SIK2: variants seen among roughly 807,000 people sequenced by gnomAD.
SIK2 encodes the protein salt inducible kinase 2.
SIK2 carries 29 observed loss-of-function variants against 103.2 expected under a neutral mutation model. That is an observed-to-expected ratio of 0.28 (90% confidence interval 0.21 to 0.38). SIK2 has a LOEUF of 0.38. Among genes scored for constraint, SIK2 ranks in the 10% least tolerant of loss-of-function variants. The pLI is 1.00. For synonymous variants in SIK2, 412 were observed against 446.1 expected, an observed-to-expected ratio of 0.92 and a Z score of 0.96; for missense variants, 879 against 1,171.0, an observed-to-expected ratio of 0.75 and a Z score of 3.64.
intron 3 of SIK2, among the ~76,000 whole-genome samples, chr11:111,668,151 T>C (rs7128353): frequency 0.63 from 95,401 of 151,280 alleles, 32,613 homozygotes; most frequent in East Asian, 0.96. Flanking sequence ...TAGGAAGCTC[T>C]TCTCAGTATG....
At position 111,722,767 on chromosome 11, in the gene SIK2, G is replaced by A. The variant is rs1943841560; in HGVS notation, c.2147+11G>A. The A allele has an allele frequency of 1.9e-6, 3 of 1,611,296 alleles. No individual in the cohort carries two copies. Among genetic ancestry groups the A allele is most frequent in the South Asian group, 1.1e-5 (1 of 90,456 alleles). On this transcript the variant is annotated intron_variant, in intron 14 of 14. Coordinates refer to ENST00000304987, the MANE Select transcript of SIK2 (RefSeq NM_015191.3). This position sits in a 1 kb window ranked among gnomAD's most constrained non-coding sequence, Gnocchi z 4.4. ...GCTGCAGGAACATAGGTGAGAAGGG[G>A]ACTTTGGCCAAAGAAGTTGCTTCCT...
intron 3 of SIK2, among the ~76,000 whole-genome samples, chr11:111,654,229 G>A (rs1942363310): frequency 6.6e-6 from 1 of 152,106 alleles, no homozygotes; most frequent in African/African-American, 2.4e-5. Context: ...CCAATGATTG[G>A]GTGAATCCTT....
chr11:111,622,236 G>T (rs1412494696), intron 3 of SIK2, among the ~76,000 whole-genome samples: 1 of 141,416 alleles, frequency 7.1e-6, no homozygotes, highest in African/African-American at 2.6e-5. Flanking sequence ...TTGTCTGAAG[G>T]ATTTTCTTTT....
chr11:111,687,954 G>C (rs572210812), intron 3 of SIK2, 47 bp from the exon 4 acceptor site: 4 of 1,597,410 alleles, frequency 2.5e-6, no homozygotes, highest in East Asian at 4.5e-5. Flanking sequence ...TAATAGTGGA[G>C]TTATTTTATT....
intron 12 of SIK2, among the ~76,000 whole-genome samples, chr11:111,721,388 A>C (rs1054704246): frequency 6.6e-6 from 1 of 152,192 alleles, no homozygotes; most frequent in Non-Finnish European, 1.5e-5. Flanking sequence ...CAAATGAAAA[A>C]TACACAAATG....
rs117370374 is a variant in SIK2 at position 111,729,965 on chromosome 11, G to C, written c.*5836G>C. 1,183 of 152,418 alleles carry C rather than the reference G, an allele frequency of 7.8e-3. 9 individuals are homozygous for C. The highest frequency in any genetic ancestry group is 0.054 in the Middle Eastern group (16 of 296). The allele number at this position is 152,418 out of a possible 1,614,324, so 9.4% of individuals were successfully genotyped here. Reference sequence around the variant, plus strand: ...CACCCCCTTCCTCAATTGCCAAGGGGCCGCATCGCACGGCATCAGGCCACC... The same window carrying C: ...CACCCCCTTCCTCAATTGCCAAGGGCCCGCATCGCACGGCATCAGGCCACC... On this transcript the variant is annotated 3_prime_UTR_variant, in exon 15 of 15. Coordinates refer to ENST00000304987, the MANE Select transcript of SIK2 (RefSeq NM_015191.3).
At chr11:111,671,428 C>A in intron 3 of SIK2, 1 of 241,104 alleles carries the variant, frequency 4.1e-6, no homozygotes, top group South Asian at 5.2e-5. Context: ...AGCCCTCGGT[C>A]TCTGAGGCCC....
intron 4 of SIK2, among the ~76,000 whole-genome samples, chr11:111,697,048 A>G (rs1375970778): frequency 3.3e-5 from 5 of 152,182 alleles, no homozygotes; most frequent in East Asian, 1.9e-4. Flanking sequence ...AACTTCTTCA[A>G]AAATAACTAT....
rs1943978893 is a variant in SIK2, at chr11:111,726,717, C to T, written c.*2588C>T. The T allele has an allele frequency of 1.4e-5, 7 of 510,318 alleles. No individual in the cohort carries two copies. Among genetic ancestry groups the T allele is most frequent in the East Asian group, 6.5e-5 (2 of 30,784 alleles). 31.6% of individuals were successfully genotyped at this position (510,318 alleles called of 1,614,324 possible). ...TTTTCTCTTCATCACTACTAACAAA[C>T]AAAACACTAAGAAGGCTTAGTATCG... On this transcript the variant is annotated 3_prime_UTR_variant, in exon 15 of 15. Coordinates refer to ENST00000304987, the MANE Select transcript of SIK2 (RefSeq NM_015191.3).
chr11:111,709,363 G>A (rs935267729), intron 8 of SIK2, among the ~76,000 whole-genome samples: 1 of 152,198 alleles, frequency 6.6e-6, no homozygotes, highest in Admixed American at 6.5e-5. Flanking sequence ...CATTAGTGGT[G>A]AGGGGCTCAA....
chr11:111,704,647 C>T lies in SIK2; in HGVS notation c.949-340C>T, dbSNP rs186251660. Among the ~76,000 whole-genome samples, 31 of 152,236 alleles carry T rather than the reference C, an allele frequency of 2.0e-4. No homozygotes were observed. The East Asian group carries it at 2.7e-3, about 13-fold the overall frequency. ...AGGTTGCTAACTGACCTTACACCAC[C>T]GTTACAGCTATGAGATGGGGCCATA... On this transcript the variant is annotated intron_variant, in intron 7 of 14. Transcript: ENST00000304987.
At chr11:111,652,557 C>A (rs1025305404) in intron 3 of SIK2, among the ~76,000 whole-genome samples, 1 of 152,124 alleles carries the variant, frequency 6.6e-6, no homozygotes, top group African/African-American at 2.4e-5. Context: ...AATAATGTAA[C>A]TGGGCATCTA....
chr11:111,727,546 T>G lies in SIK2; in HGVS notation c.*3417T>G. 6.1e-6 allele frequency: 1 copy of G among 164,180 alleles called. No homozygotes were observed. Among genetic ancestry groups the G allele is most frequent in the African/African-American group, 2.4e-5 (1 of 41,962 alleles). The allele number at this position is 164,180 out of a possible 1,614,324, so 10.2% of individuals were successfully genotyped here. On this transcript the variant is annotated 3_prime_UTR_variant, in exon 15 of 15. Coordinates refer to ENST00000304987, the MANE Select transcript of SIK2 (RefSeq NM_015191.3). ...AGGGGGGACCCCCCCTGTAGGAGTA[T>G]CGGCCTCTCCCCTGCCCCCTACCCT...
At chr11:111,692,606 A>G (rs1414944584) in intron 4 of SIK2, among the ~76,000 whole-genome samples, 2 of 152,124 alleles carry the variant, frequency 1.3e-5, no homozygotes, top group Non-Finnish European at 2.9e-5. Context: ...ATGGATTCCA[A>G]TGTCTTTAAA....
intron 3 of SIK2, among the ~76,000 whole-genome samples, chr11:111,682,538 T>C (rs1026438343): frequency 6.6e-6 from 1 of 152,234 alleles, no homozygotes; most frequent in Admixed American, 6.5e-5. Flanking sequence ...ATTGCACTTA[T>C]GTAAGAAAAT....
chr11:111,631,954 T>C (rs1173592550), intron 3 of SIK2, among the ~76,000 whole-genome samples: 1 of 152,216 alleles, frequency 6.6e-6, no homozygotes, highest in African/African-American at 2.4e-5. Context: ...TTTTGTTCAG[T>C]TAATTATATT....
chr11:111,643,026 C>A (rs1404878177), intron 3 of SIK2, among the ~76,000 whole-genome samples: 1 of 152,054 alleles, frequency 6.6e-6, no homozygotes, highest in Non-Finnish European at 1.5e-5. Flanking sequence ...ATTTGTGAAA[C>A]CTTCTCATCT....
At chr11:111,677,521 G>A (rs1053159987) in intron 3 of SIK2, among the ~76,000 whole-genome samples, 26 of 151,208 alleles carry the variant, frequency 1.7e-4, no homozygotes, top group African/African-American at 5.3e-4. Context: ...AGGTTCATGC[G>A]ATTCTCCTAC....
At chr11:111,713,676 GAT>G (rs1159339489) in intron 9 of SIK2, among the ~76,000 whole-genome samples, 1 of 152,116 alleles carries the variant, frequency 6.6e-6, no homozygotes, top group East Asian at 1.9e-4. Context: ...ATTGATAAAA[GAT>G]AAAATATGGG....
Sources: allele counts gnomAD v4.1 joint callset (sites outside exome capture counted in the v4.1 genomes callset), GRCh38; gene constraint gnomAD v4.1.1; non-coding constraint Gnocchi (gnomAD v3.1); transcripts MANE v1.5; gene names NCBI Gene and HGNC (gene_info 2026-07-23, HGNC 2026-07-21).